The following CAMTA1 variants were observed in gnomAD, a reference collection of about 807,000 sequenced individuals.
The protein encoded by CAMTA1 is calmodulin binding transcription activator 1.
Under a neutral mutation model 170.9 loss-of-function variants are expected in CAMTA1, and 27 were observed. That is an observed-to-expected ratio of 0.16 (90% CI 0.12 to 0.22). The LOEUF is 0.22. Ranked by LOEUF, CAMTA1 falls within the 10% of genes least tolerant of loss-of-function variation. The pLI is 1.00. For missense variants in CAMTA1, 1,619 were observed against 2,217.2 expected, an observed-to-expected ratio of 0.73 and a Z score of 5.42; for synonymous variants, 833 against 891.5, an observed-to-expected ratio of 0.93 and a Z score of 1.17.
At chr1:7,336,728 C>T (rs899051722) in intron 5 of CAMTA1, among the ~76,000 whole-genome samples, 8 of 152,208 alleles carry the variant, frequency 5.3e-5, no homozygotes, top group African/African-American at 1.4e-4. Flanking sequence ...ACTCCTTGAT[C>T]GCATTTCTCT....
intron 5 of CAMTA1, among the ~76,000 whole-genome samples, chr1:7,292,640 T>G (rs1673315295): frequency 6.6e-6 from 1 of 152,310 alleles, no homozygotes; most frequent in South Asian, 2.1e-4. Context: ...CTTAAATTTC[T>G]GAATTGATCC....
chr1:7,690,878 C>T (rs1462374125), intron 11 of CAMTA1, among the ~76,000 whole-genome samples: 2 of 152,362 alleles, frequency 1.3e-5, no homozygotes, highest in Middle Eastern at 3.4e-3. Context: ...CCTGTTGCAC[C>T]TGCACTACTT....
chr1:6,899,625 C>G (rs1352544320), intron 3 of CAMTA1, among the ~76,000 whole-genome samples: 2 of 151,522 alleles, frequency 1.3e-5, no homozygotes, highest in African/African-American at 4.8e-5. Context: ...AAAGTTGTAC[C>G]TGAAACCACT....
At chr1:7,318,897 G>A (rs1677942645) in intron 5 of CAMTA1, among the ~76,000 whole-genome samples, 1 of 152,226 alleles carries the variant, frequency 6.6e-6, no homozygotes, top group African/African-American at 2.4e-5. Flanking sequence ...GTGGGTGAAG[G>A]TGGACTGCTA....
intron 3 of CAMTA1, among the ~76,000 whole-genome samples, chr1:6,912,179 A>G (rs142585169): frequency 6.6e-6 from 1 of 152,300 alleles, no homozygotes; most frequent in Non-Finnish European, 1.5e-5. Flanking sequence ...TTGGCTTTCA[A>G]TCCCTGGATT....
rs556107988 is a variant in CAMTA1, at chr1:7,745,569, C to A, written c.4371-276C>A. 2.4e-4 allele frequency among the ~76,000 whole-genome samples: 37 copies of A among 152,186 alleles called. No homozygotes were observed. In the South Asian group the frequency reaches 6.4e-3, roughly 26 times the overall value. On this transcript the variant is annotated intron_variant, in intron 17 of 22. Transcript: ENST00000303635. ...AGAGATAATGTAGCATAATGTTTCC[C>A]CCTAATTCAGCTGAAGTTTTCTAAT...
intron 6 of CAMTA1, among the ~76,000 whole-genome samples, chr1:7,600,098 A>T (rs1434829795): frequency 6.6e-6 from 1 of 152,170 alleles, no homozygotes; most frequent in Non-Finnish European, 1.5e-5. Context: ...AGCTCTTATG[A>T]TTTTGAGATA....
chr1:7,101,061 C>A (rs1380086146), intron 4 of CAMTA1, among the ~76,000 whole-genome samples: 1 of 152,210 alleles, frequency 6.6e-6, no homozygotes, highest in Middle Eastern at 3.2e-3. Flanking sequence ...GAAAAGCCCC[C>A]TGGCACTGTG....
At chr1:7,084,814 C>T (rs1043816389) in intron 3 of CAMTA1, among the ~76,000 whole-genome samples, 3 of 152,098 alleles carry the variant, frequency 2.0e-5, no homozygotes, top group African/African-American at 4.8e-5. Context: ...GCTGGCTGTC[C>T]GTGGGAAACA....
chr1:7,116,964 A>G (rs568863912), intron 4 of CAMTA1, among the ~76,000 whole-genome samples: 9 of 137,442 alleles, frequency 6.5e-5, no homozygotes, highest in South Asian at 4.6e-4. Context: ...CTTAGTTTTC[A>G]TAGAAATAAC....
rs887846917 is a variant in CAMTA1, at chr1:7,680,475, C to T, written c.2914+2742C>T. 6.6e-6 allele frequency among the ~76,000 whole-genome samples: 1 copy of T among 151,042 alleles called. No individual in the cohort carries two copies. Among genetic ancestry groups the T allele is most frequent in the African/African-American group, 2.4e-5 (1 of 41,084 alleles). On this transcript the variant is annotated intron_variant, in intron 11 of 22. Coordinates refer to ENST00000303635, the MANE Select transcript of CAMTA1 (RefSeq NM_015215.4). This position sits in a 1 kb window ranked among gnomAD's most constrained non-coding sequence, Gnocchi z 4.4. Reference sequence around the variant, plus strand: ...ACTCTCTCCCACGCGCGCGCCCTCCCGCCGACGCGCAGCCGCAATGCGGGG... The same window carrying T: ...ACTCTCTCCCACGCGCGCGCCCTCCTGCCGACGCGCAGCCGCAATGCGGGG...
chr1:7,157,201 C>T (rs931953646), intron 4 of CAMTA1, among the ~76,000 whole-genome samples: 8 of 151,648 alleles, frequency 5.3e-5, no homozygotes, highest in Admixed American at 2.0e-4. Context: ...AAAAATTAGC[C>T]GGGCGTGGTG....
At chr1:7,163,876 T>C (rs1463993731) in intron 4 of CAMTA1, among the ~76,000 whole-genome samples, 1 of 152,220 alleles carries the variant, frequency 6.6e-6, no homozygotes, top group East Asian at 1.9e-4. Context: ...CTTATCAAGC[T>C]CTACCCTAAT....
At chr1:7,766,070 C>T (rs535476646) in intron 22 of CAMTA1, among the ~76,000 whole-genome samples, 195 of 151,612 alleles carry the variant, frequency 1.3e-3, no homozygotes, top group African/African-American at 4.4e-3. Flanking sequence ...GTACAGTTTC[C>T]CTAATTTACA....
chr1:7,617,788 G>A (rs143670321), intron 6 of CAMTA1, among the ~76,000 whole-genome samples: 1 of 148,346 alleles, frequency 6.7e-6, no homozygotes, highest in South Asian at 2.1e-4. Context: ...TTGGGTCCCC[G>A]ATCTTCTTGA....
intron 6 of CAMTA1, among the ~76,000 whole-genome samples, chr1:7,624,483 G>T (rs951653930): frequency 2.0e-5 from 3 of 152,316 alleles, no homozygotes; most frequent in African/African-American, 7.2e-5. Flanking sequence ...CAGTAAATTC[G>T]CATGCAGAAG....
At chr1:7,520,585 C>A (rs1368193014) in intron 6 of CAMTA1, among the ~76,000 whole-genome samples, 1 of 151,792 alleles carries the variant, frequency 6.6e-6, no homozygotes, top group East Asian at 2.0e-4. Context: ...GGGCACCCGT[C>A]ATCTGCCCAC....
intron 5 of CAMTA1, among the ~76,000 whole-genome samples, chr1:7,313,324 G>T (rs983183841): frequency 1.3e-5 from 2 of 152,146 alleles, no homozygotes; most frequent in Non-Finnish European, 2.9e-5. Flanking sequence ...CAGCCTATGA[G>T]TCCTGGCGGT....
At chr1:7,080,224 C>A (rs1175661363) in intron 3 of CAMTA1, among the ~76,000 whole-genome samples, 1 of 152,180 alleles carries the variant, frequency 6.6e-6, no homozygotes, top group Non-Finnish European at 1.5e-5. Context: ...CCAAATCATA[C>A]AACCAAAGGG....
Sources: allele counts gnomAD v4.1 joint callset (sites outside exome capture counted in the v4.1 genomes callset), GRCh38; gene constraint gnomAD v4.1.1; non-coding constraint Gnocchi (gnomAD v3.1); transcripts MANE v1.5; gene names NCBI Gene and HGNC (gene_info 2026-07-23, HGNC 2026-07-21).